DLG2: variants seen among roughly 807,000 people sequenced by gnomAD.
DLG2 encodes disks large homolog 2.
In DLG2, 45 loss-of-function variants were observed where a neutral mutation model predicts 132.5. That is an observed-to-expected ratio of 0.34 (90% CI 0.27 to 0.44). The LOEUF is 0.44. Among genes scored for constraint, DLG2 ranks in the 20% least tolerant of loss-of-function variants. DLG2 has a pLI of 1.00. For synonymous variants in DLG2, 424 were observed against 419.6 expected (o/e 1.01, Z -0.13); for missense variants, 1,045 against 1,196.9 (o/e 0.87, Z 1.87).
intron 6 of DLG2, among the ~76,000 whole-genome samples, chr11:84,790,179 T>G (rs935457160): frequency 6.6e-6 from 1 of 152,130 alleles, no homozygotes; most frequent in African/African-American, 2.4e-5. Context: ...TCCAAAGAGG[T>G]TGTACTAATT....
intron 16 of DLG2, among the ~76,000 whole-genome samples, chr11:83,855,866 A>G (rs2060458835): frequency 6.6e-6 from 1 of 152,160 alleles, no homozygotes; most frequent in African/African-American, 2.4e-5. Context: ...ATACATATGC[A>G]GGTTTGCTAC....
intron 6 of DLG2, among the ~76,000 whole-genome samples, chr11:85,099,745 A>C (rs1353199882): frequency 6.6e-6 from 1 of 152,192 alleles, no homozygotes; most frequent in East Asian, 1.9e-4. Context: ...AATTAAGAGC[A>C]CTTGATGATG....
intron 4 of DLG2, among the ~76,000 whole-genome samples, chr11:85,264,777 G>A (rs910283395): frequency 7.9e-5 from 12 of 152,186 alleles, no homozygotes; most frequent in South Asian, 4.1e-4. Flanking sequence ...GGGGTTTTTC[G>A]CAAGAAACAT....
At chr11:83,576,677 A>C (rs2096878810) in intron 19 of DLG2, among the ~76,000 whole-genome samples, 1 of 152,214 alleles carries the variant, frequency 6.6e-6, no homozygotes, top group Admixed American at 6.6e-5. Context: ...TTCTATATCC[A>C]GATAAAATAT....
chr11:85,218,190 G>A (rs1422183983), intron 4 of DLG2, among the ~76,000 whole-genome samples: 2 of 152,132 alleles, frequency 1.3e-5, no homozygotes, highest in Admixed American at 6.6e-5. Context: ...AACAAAAATA[G>A]TTAAGTAGGA....
chr11:84,578,583 T>A (rs1439710366), intron 6 of DLG2, among the ~76,000 whole-genome samples: 1 of 152,182 alleles, frequency 6.6e-6, no homozygotes, highest in African/African-American at 2.4e-5. Flanking sequence ...TTATCCCATT[T>A]GGAATGGCTG....
chr11:84,678,676 G>A (rs1019935169), intron 6 of DLG2, among the ~76,000 whole-genome samples: 7 of 151,918 alleles, frequency 4.6e-5, no homozygotes, highest in African/African-American at 7.2e-5. Flanking sequence ...CAACATCATC[G>A]CTCAACAGCT....
At chr11:84,332,102 T>A (rs1390104575) in intron 7 of DLG2, among the ~76,000 whole-genome samples, 1 of 152,114 alleles carries the variant, frequency 6.6e-6, no homozygotes, top group African/African-American at 2.4e-5. Context: ...TGCAATTTCC[T>A]AAACAATCAT....
intron 7 of DLG2, among the ~76,000 whole-genome samples, chr11:84,409,082 T>C (rs2098880708): frequency 6.6e-6 from 1 of 152,178 alleles, no homozygotes; most frequent in Admixed American, 6.5e-5. Flanking sequence ...TGCTCTTCCT[T>C]TCCTTGCACA....
Position 85,376,288 on chromosome 11 carries a change from T to A in DLG2, c.41-90923A>T, listed in dbSNP as rs2085398372. ...TTCATTCAGCAAGCAGTATTTGAAT[T>A]TGGGCCTTGAAAAAATAAAACATCA... On this transcript the variant is annotated intron_variant, in intron 3 of 27. Coordinates refer to ENST00000376104, the MANE Select transcript of DLG2 (RefSeq NM_001142699.3). 2.6e-5 allele frequency among the ~76,000 whole-genome samples: 4 copies of A among 152,252 alleles called. No homozygotes were observed. In the South Asian group the frequency reaches 8.3e-4, roughly 32 times the overall value.
intron 8 of DLG2, among the ~76,000 whole-genome samples, chr11:84,192,353 T>C (rs2096427842): frequency 6.6e-6 from 1 of 152,198 alleles, no homozygotes. Context: ...GCATCTAATA[T>C]CTGTTCTTTT....
At chr11:85,089,457 T>C (rs572335880) in intron 6 of DLG2, among the ~76,000 whole-genome samples, 2 of 152,304 alleles carry the variant, frequency 1.3e-5, no homozygotes, top group South Asian at 4.1e-4. Context: ...GTAAAGGAAA[T>C]GATTTAGTTC....
At position 83,471,105 on chromosome 11, in the gene DLG2, TGGC is replaced by T. The variant is rs1197510080; in HGVS notation, c.2446+518_2446+520del. 2.6e-5 allele frequency among the ~76,000 whole-genome samples: 4 copies of T among 152,212 alleles called. No individual in the cohort carries two copies. The East Asian group carries it at 7.7e-4, about 29-fold the overall frequency. On this transcript the variant is annotated intron_variant, in intron 24 of 27. Coordinates refer to ENST00000376104, the MANE Select transcript of DLG2 (RefSeq NM_001142699.3). ...GAAGAAAGTAGTTTAAAGTCTGTAA[TGGC>T]CTAGAGGTCAAATTGAAGTGTTACA...
At chr11:84,503,353 C>T (rs1378593010) in intron 7 of DLG2, among the ~76,000 whole-genome samples, 1 of 152,066 alleles carries the variant, frequency 6.6e-6, no homozygotes, top group Non-Finnish European at 1.5e-5. Flanking sequence ...ATAAATGTCC[C>T]TAGATTACAT....
intron 6 of DLG2, among the ~76,000 whole-genome samples, chr11:84,661,684 T>C (rs913453850): frequency 3.9e-5 from 6 of 152,122 alleles, no homozygotes; most frequent in Non-Finnish European, 5.9e-5. Flanking sequence ...AGTATATTTG[T>C]GTCTGTAAGT....
intron 8 of DLG2, among the ~76,000 whole-genome samples, chr11:84,220,655 T>C (rs1446166190): frequency 1.3e-5 from 2 of 151,994 alleles, no homozygotes; most frequent in Non-Finnish European, 2.9e-5. Flanking sequence ...AAATAAAAGC[T>C]CAATTATGTA....
At chr11:85,304,392 G>C (rs1017049647) in intron 3 of DLG2, among the ~76,000 whole-genome samples, 4 of 152,096 alleles carry the variant, frequency 2.6e-5, no homozygotes, top group Non-Finnish European at 4.4e-5. Flanking sequence ...GCGGGGGCAA[G>C]AAAGGTAAAT....
At chr11:84,117,847 CTTTA>C (rs527261967) in intron 9 of DLG2, among the ~76,000 whole-genome samples, 1 of 151,594 alleles carries the variant, frequency 6.6e-6, no homozygotes, top group African/African-American at 2.4e-5. Flanking sequence ...ATTTTATAGG[CTTTA>C]TTTATTTATT....
chr11:85,459,178 G>A (rs924696540), intron 3 of DLG2, among the ~76,000 whole-genome samples: 2 of 152,188 alleles, frequency 1.3e-5, no homozygotes, highest in Admixed American at 1.3e-4. Context: ...AGGACAGCAA[G>A]GTCACTACCA....
Sources: allele counts gnomAD v4.1 joint callset (sites outside exome capture counted in the v4.1 genomes callset), GRCh38; gene constraint gnomAD v4.1.1; transcripts MANE v1.5; gene names NCBI Gene and HGNC (gene_info 2026-07-23, HGNC 2026-07-21).